Variants in CERT1 observed in about 807,000 individuals in gnomAD.
CERT1 encodes the protein ceramide transporter 1.
In CERT1, 31 loss-of-function variants were observed where a neutral mutation model predicts 87.9. The observed-to-expected ratio is 0.35, with a 90% CI of 0.27 to 0.48. CERT1 has a LOEUF of 0.48. Ranked by LOEUF, CERT1 falls within the 20% of genes least tolerant of loss-of-function variation. CERT1 has a pLI of 0.99. For missense variants in CERT1, 487 were observed against 758.0 expected (o/e 0.64, Z 4.20); for synonymous variants, 289 against 250.9 (o/e 1.15, Z -1.44).
At chr5:75,433,214 T>C (rs1763947107) in intron 3 of CERT1, among the ~76,000 whole-genome samples, 1 of 152,240 alleles carries the variant, frequency 6.6e-6, no homozygotes, top group Non-Finnish European at 1.5e-5. Context: ...AATAGTTTTT[T>C]CTAATTCTGT....
intron 14 of CERT1, 26 bp from the exon 15 acceptor site, chr5:75,382,103 A>C (rs767055357): frequency 6.2e-7 from 1 of 1,604,474 alleles, no homozygotes; most frequent in African/African-American, 1.3e-5. Flanking sequence ...AATCTTTTGA[A>C]AAACAGATCT....
rs1766862268 is a variant in CERT1, at chr5:75,492,852, C to T, written c.231+13130G>A. On this transcript the variant is annotated intron_variant, in intron 2 of 16. Coordinates refer to ENST00000643780, the MANE Select transcript of CERT1 (RefSeq NM_001379029.1). Reference sequence around the variant, plus strand: ...TACTTGAGCAAAGCTATTTTTCCTGCTTTAGGAAAGTGGTTCTCAAACTTT... The same window carrying T: ...TACTTGAGCAAAGCTATTTTTCCTGTTTTAGGAAAGTGGTTCTCAAACTTT... 1.3e-5 allele frequency among the ~76,000 whole-genome samples: 2 copies of T among 152,158 alleles called. 1 individual carries two copies. The highest frequency in any genetic ancestry group is 4.1e-4 in the South Asian group (2 of 4,834).
At chr5:75,507,734 GA>G (rs1216919701) in intron 1 of CERT1, among the ~76,000 whole-genome samples, 1 of 152,162 alleles carries the variant, frequency 6.6e-6, no homozygotes, top group African/African-American at 2.4e-5. Flanking sequence ...CATGTGAAGA[GA>G]GTTTTGACAA....
chr5:75,412,310 G>C (rs75175186), intron 7 of CERT1, among the ~76,000 whole-genome samples: 4,013 of 152,228 alleles, frequency 0.026, 150 homozygotes, highest in African/African-American at 0.087. Flanking sequence ...GCTGAATTAA[G>C]AACTGCCTTG....
intron 3 of CERT1, among the ~76,000 whole-genome samples, chr5:75,453,925 G>A (rs1265397576): frequency 6.6e-6 from 1 of 152,076 alleles, no homozygotes; most frequent in East Asian, 1.9e-4. Flanking sequence ...GGTCTTCTGG[G>A]AAGGATGGAA....
downstream of CERT1, chr5:75,376,374 G>A (rs1761316940): frequency 1.3e-5 from 2 of 152,178 alleles, no homozygotes; most frequent in Admixed American, 6.6e-5. Context: ...TTTCAGTGAG[G>A]TCATAGTGAA....
intron 2 of CERT1, among the ~76,000 whole-genome samples, chr5:75,472,935 G>A (rs1239410719): frequency 6.6e-6 from 1 of 152,104 alleles, no homozygotes; most frequent in African/African-American, 2.4e-5. Context: ...AATAAAATCA[G>A]TATGTTGAAG....
At chr5:75,400,128 C>T in intron 10 of CERT1, 77 bp downstream of exon 10, 1 of 1,120,604 alleles carries the variant, frequency 8.9e-7, no homozygotes, top group Non-Finnish European at 1.3e-6. Context: ...GAGACTCCGT[C>T]TCAAATAAAA....
chr5:75,416,495 T>C (rs958528491), intron 7 of CERT1, among the ~76,000 whole-genome samples: 1 of 152,210 alleles, frequency 6.6e-6, no homozygotes. Context: ...AGTATTACTA[T>C]AATAAGTAAA....
At chr5:75,370,689 G>A (rs1461348242) in intron 17 of CERT1, 3 of 152,000 alleles carry the variant, frequency 2.0e-5, no homozygotes, top group Non-Finnish European at 4.4e-5. Context: ...CGATGGCTGA[G>A]GCCTGTAATC....
chr5:75,400,606 G>T, intron 9 of CERT1: 1 of 228,216 alleles, frequency 4.4e-6, no homozygotes, highest in Non-Finnish European at 8.5e-6. Flanking sequence ...TCTTAACGCT[G>T]CTGCCAATTC....
chr5:75,415,109 TAC>T (rs1447810603), intron 7 of CERT1, among the ~76,000 whole-genome samples: 8 of 152,138 alleles, frequency 5.3e-5, no homozygotes, highest in African/African-American at 1.9e-4. Flanking sequence ...TACCAATAAA[TAC>T]ACACATACCC....
Position 75,411,054 on chromosome 5 carries a change from G to A in CERT1, c.887C>T (p.Thr296Ile), listed in dbSNP as rs1340350703. 2 of 1,595,364 alleles carry A rather than the reference G, an allele frequency of 1.3e-6. No individual in the cohort carries two copies. Among genetic ancestry groups the A allele is most frequent in the Admixed American group, 3.4e-5 (2 of 58,090 alleles). The change falls in exon 8 of 17, where the codon ACA (threonine) becomes ATA (isoleucine). Residue 296 changes from threonine to isoleucine, a missense_variant. Thr to Ile is a moderately conservative substitution (Grantham distance 89, BLOSUM62 -1). This residue lies in a region of CERT1 where 21 missense variants were observed against 20.4 expected (regional missense o/e 1.03). Coordinates refer to ENST00000643780, the MANE Select transcript of CERT1 (RefSeq NM_001379029.1). Reference sequence around the variant, plus strand: ...AAAGTGGGATTTTTTCTTAAGTTCTGTCATTGCATTTTTATATGCTTCCTC... The same window carrying A: ...AAAGTGGGATTTTTTCTTAAGTTCTATCATTGCATTTTTATATGCTTCCTC... ...RTEEAYKNAM[T>I]ELKKKSHFGG...
In CERT1 at chr5:75,381,091, C is replaced by T; in HGVS notation, c.1728G>A (p.Lys576=). 3 of 1,614,086 alleles carry T rather than the reference C, an allele frequency of 1.9e-6. No homozygotes were observed. The highest frequency in any genetic ancestry group is 2.5e-6 in the Non-Finnish European group (3 of 1,179,978). The change falls in exon 16 of 17, where the codon AAG becomes AAA. Residue 576 remains lysine (K), a synonymous_variant. Coordinates refer to ENST00000643780, the MANE Select transcript of CERT1 (RefSeq NM_001379029.1). ...ACATACCATTAGCTACATATGTAATCTTGCATAGAATGTTGTCCCTGCTAA... is the reference window on the plus strand; with the variant it reads ...ACATACCATTAGCTACATATGTAATTTTGCATAGAATGTTGTCCCTGCTAA... ...QEISRDNILC[K]ITYVANVNPG...
chr5:75,381,911 T>C (rs566631654), intron 15 of CERT1, 38 bp downstream of exon 15: 2 of 1,573,190 alleles, frequency 1.3e-6, no homozygotes, highest in South Asian at 1.1e-5. Context: ...TTTAGCTTTA[T>C]ATTGTTTAAT....
At chr5:75,382,725 T>G (rs937926432) in intron 14 of CERT1, among the ~76,000 whole-genome samples, 1 of 151,960 alleles carries the variant, frequency 6.6e-6, no homozygotes, top group African/African-American at 2.4e-5. Flanking sequence ...GTATCTGGAC[T>G]AGTCCTTGTT....
At chr5:75,391,842 C>T (rs1762036387) in intron 11 of CERT1, among the ~76,000 whole-genome samples, 1 of 152,178 alleles carries the variant, frequency 6.6e-6, no homozygotes, top group Admixed American at 6.5e-5. Context: ...TAGTTAAGCA[C>T]ACCTGTATTT....
chr5:75,384,525 T>C, intron 14 of CERT1, 117 bp downstream of exon 14: 1 of 642,068 alleles, frequency 1.6e-6, no homozygotes, highest in Non-Finnish European at 2.7e-6. Context: ...CATTATTTAA[T>C]AAAGTCTTTG....
At chr5:75,392,142 C>T (rs1044001879) in intron 11 of CERT1, among the ~76,000 whole-genome samples, 1 of 152,074 alleles carries the variant, frequency 6.6e-6, no homozygotes, top group African/African-American at 2.4e-5. Flanking sequence ...CAAATATAAA[C>T]GCGTAGTAGG....
Sources: allele counts gnomAD v4.1 joint callset (sites outside exome capture counted in the v4.1 genomes callset), GRCh38; gene constraint gnomAD v4.1.1; regional missense constraint gnomAD v4.1.1; transcripts MANE v1.5; gene names NCBI Gene and HGNC (gene_info 2026-07-23, HGNC 2026-07-21).